Variants in MYO18B observed in about 807,000 individuals in gnomAD.
The protein encoded by MYO18B is myosin XVIIIB.
A neutral mutation model predicts 273.0 loss-of-function variants in MYO18B; 204 were observed. That is an observed-to-expected ratio of 0.75 (90% CI 0.67 to 0.84). The LOEUF (loss-of-function observed/expected upper bound fraction) is 0.84. MYO18B is among the 40% of genes least tolerant of loss of function. The pLI is 0.00. For synonymous variants in MYO18B, 1,330 were observed against 1,305.7 expected (o/e 1.02, Z -0.40); for missense variants, 3,212 against 3,287.6 (o/e 0.98, Z 0.56).
chr22:25,783,953 A>G (rs1426724633), intron 10 of MYO18B, among the ~76,000 whole-genome samples: 2 of 152,192 alleles, frequency 1.3e-5, no homozygotes, highest in Non-Finnish European at 2.9e-5. Context: ...CGTCACCCAT[A>G]TGGAAGCTTC....
At chr22:25,859,355 A>G (rs1400200243) in intron 21 of MYO18B, among the ~76,000 whole-genome samples, 1 of 152,204 alleles carries the variant, frequency 6.6e-6, no homozygotes, top group African/African-American at 2.4e-5. Context: ...GCACAGAAAC[A>G]TGTTTCTACT....
intron 33 of MYO18B, among the ~76,000 whole-genome samples, chr22:25,912,753 C>T (rs2285201): frequency 0.38 from 57,523 of 152,014 alleles, 12,248 homozygotes; most frequent in East Asian, 0.51. Context: ...GCTTCCTAAT[C>T]TCAATCCTGG....
At chr22:26,014,452 A>G (rs1404319058) in intron 42 of MYO18B, among the ~76,000 whole-genome samples, 1 of 152,168 alleles carries the variant, frequency 6.6e-6, no homozygotes, top group Admixed American at 6.5e-5. Context: ...GGAAAGTGCC[A>G]CATCATACTG....
rs182548915 is a variant in MYO18B, at chr22:25,773,218, G to T, written c.1869+708G>T. Reference sequence around the variant, plus strand: ...CATAGTGATTGAGCTATTGATTGAGGGTCTCCTACCGGGCCACGCACAAAG... The same window carrying T: ...CATAGTGATTGAGCTATTGATTGAGTGTCTCCTACCGGGCCACGCACAAAG... On this transcript the variant is annotated intron_variant, in intron 7 of 43. Transcript: ENST00000335473. 2.6e-5 allele frequency among the ~76,000 whole-genome samples: 4 copies of T among 152,286 alleles called. No homozygotes were observed. In the South Asian group the frequency reaches 8.3e-4, roughly 32 times the overall value.
intron 21 of MYO18B, among the ~76,000 whole-genome samples, chr22:25,857,688 C>T (rs2090614113): frequency 6.6e-6 from 1 of 152,362 alleles, no homozygotes; most frequent in African/African-American, 2.4e-5. Context: ...GAGTCTCGCT[C>T]TGTTGCCCAG....
chr22:25,773,253 G>T (rs570988750), intron 7 of MYO18B, among the ~76,000 whole-genome samples: 1 of 152,284 alleles, frequency 6.6e-6, no homozygotes, highest in East Asian at 1.9e-4. Context: ...GAACATCAGG[G>T]AAGGTGCCAG....
chr22:25,745,172 C>T (rs111309526), intron 1 of MYO18B, among the ~76,000 whole-genome samples: 30 of 152,224 alleles, frequency 2.0e-4, no homozygotes, highest in African/African-American at 6.7e-4. Context: ...TGCAGTGGCC[C>T]AATCTCGGCT....
chr22:26,056,928 G>T, the MYO18B span, among the ~76,000 whole-genome samples: 1 of 152,166 alleles, frequency 6.6e-6, no homozygotes, highest in East Asian at 1.9e-4. Context: ...TAATTGGCCC[G>T]ACAGGGGACG....
intron 17 of MYO18B, among the ~76,000 whole-genome samples, chr22:25,836,588 G>A (rs2089907595): frequency 6.6e-6 from 1 of 152,148 alleles, no homozygotes; most frequent in Non-Finnish European, 1.5e-5. Flanking sequence ...CCAGAGGAGA[G>A]AAGGGTCAAA....
chr22:25,826,089 C>T (rs3859877), intron 13 of MYO18B, among the ~76,000 whole-genome samples: 145,856 of 152,266 alleles, frequency 0.96, 70,171 homozygotes, highest in East Asian at 1. Flanking sequence ...AGAAGCAACA[C>T]AGAGCTGGGA....
At chr22:25,921,547 C>T (rs2092342470) in intron 34 of MYO18B, 138 bp downstream of exon 34, 3 of 1,075,564 alleles carry the variant, frequency 2.8e-6, no homozygotes, top group African/African-American at 1.6e-5. Context: ...AGATGGGGGG[C>T]ATTTCAGGGC....
intron 39 of MYO18B, among the ~76,000 whole-genome samples, chr22:25,987,408 C>T (rs957622440): frequency 6.6e-6 from 1 of 152,028 alleles, no homozygotes; most frequent in Non-Finnish European, 1.5e-5. Context: ...CTGGGGAGGT[C>T]GGCAAGTATG....
At chr22:25,916,807 A>G (rs2092267890) in intron 33 of MYO18B, among the ~76,000 whole-genome samples, 1 of 152,154 alleles carries the variant, frequency 6.6e-6, no homozygotes, top group Admixed American at 6.5e-5. Flanking sequence ...CAAGGTGGGC[A>G]GATCATTTGA....
At chr22:25,862,976 C>G (rs1008479321) in intron 21 of MYO18B, among the ~76,000 whole-genome samples, 4 of 152,060 alleles carry the variant, frequency 2.6e-5, no homozygotes, top group Non-Finnish European at 5.9e-5. Context: ...CCATACATAT[C>G]TCTGAGGCTC....
the MYO18B span, among the ~76,000 whole-genome samples, chr22:26,051,203 G>A: frequency 6.7e-6 from 1 of 150,002 alleles, no homozygotes; most frequent in African/African-American, 2.5e-5. Context: ...GAGAAGATAT[G>A]GATAATTGGT....
intron 39 of MYO18B, among the ~76,000 whole-genome samples, chr22:25,957,055 T>G (rs371806029): frequency 6.6e-6 from 1 of 152,152 alleles, no homozygotes; most frequent in East Asian, 1.9e-4. Context: ...AGAGAAAAGC[T>G]CTTTCCTCCA....
At chr22:25,863,413 C>G (rs1388481517) in intron 21 of MYO18B, among the ~76,000 whole-genome samples, 1 of 152,182 alleles carries the variant, frequency 6.6e-6, no homozygotes, top group Non-Finnish European at 1.5e-5. Flanking sequence ...TTGCTGAAGA[C>G]TGGACATCTT....
At chr22:25,774,459 G>A (rs1256124682) in intron 7 of MYO18B, among the ~76,000 whole-genome samples, 1 of 152,228 alleles carries the variant, frequency 6.6e-6, no homozygotes, top group Non-Finnish European at 1.5e-5. Flanking sequence ...TAGCAATCAG[G>A]TCCTCATTGG....
At chr22:25,768,061 A>G (rs2086568696) in intron 3 of MYO18B, 54 bp from the exon 4 acceptor site, 9 of 1,421,266 alleles carry the variant, frequency 6.3e-6, no homozygotes, top group Non-Finnish European at 7.7e-6. Flanking sequence ...GTGAATGACA[A>G]AGCTGTCAGG....
Sources: allele counts gnomAD v4.1 joint callset (sites outside exome capture counted in the v4.1 genomes callset), GRCh38; gene constraint gnomAD v4.1.1; transcripts MANE v1.5; gene names NCBI Gene and HGNC (gene_info 2026-07-23, HGNC 2026-07-21).